Variants in CACNG3 observed in about 807,000 individuals in gnomAD.
The protein encoded by CACNG3 is calcium voltage-gated channel auxiliary subunit gamma 3.
In CACNG3, 3 loss-of-function variants were observed where a neutral mutation model predicts 28.5. The observed-to-expected ratio is 0.11, with a 90% CI of 0.05 to 0.27. The LOEUF is 0.27. Among genes scored for constraint, CACNG3 ranks in the 10% least tolerant of loss-of-function variants. The pLI is 1.00. For synonymous variants in CACNG3, 174 were observed against 162.2 expected, an observed-to-expected ratio of 1.07 and a Z score of -0.55; for missense variants, 236 against 414.4, an observed-to-expected ratio of 0.57 and a Z score of 3.74.
intron 1 of CACNG3, among the ~76,000 whole-genome samples, chr16:24,346,492 C>G (rs924196277): frequency 6.6e-6 from 1 of 152,136 alleles, no homozygotes; most frequent in South Asian, 2.1e-4. Flanking sequence ...GTGAGAGGAT[C>G]ACTTGAGCCC....
chr16:24,353,119 G>A (rs1457241173), intron 2 of CACNG3, among the ~76,000 whole-genome samples: 3 of 152,102 alleles, frequency 2.0e-5, no homozygotes, highest in East Asian at 3.9e-4. Context: ...GAGATTACAG[G>A]TGCCCTCCAC....
intron 3 of CACNG3, among the ~76,000 whole-genome samples, chr16:24,357,535 G>C (rs1329103469): frequency 6.6e-6 from 1 of 152,176 alleles, no homozygotes; most frequent in African/African-American, 2.4e-5. Flanking sequence ...TTCGCCGGCT[G>C]TGAGATGAGA....
rs1225005945 is a variant in CACNG3, at chr16:24,346,765, T to C, written c.243T>C (p.Asp81=). ...TCCGAGGCGTGTGCAAGAAAATCGA[T>C]CACTTCCCTGAAGATGCTGACTACG... ...GAFRGVCKKI[D]HFPEDADYEQ... Residue 81 remains aspartate (D), a synonymous_variant, in exon 2 of 4, where the codon GAT becomes GAC. Coordinates refer to ENST00000005284, the MANE Select transcript of CACNG3 (RefSeq NM_006539.4). The C allele has an allele frequency of 8.7e-6, 14 of 1,613,970 alleles. No homozygotes were observed. The highest frequency in any genetic ancestry group is 2.2e-5 in the East Asian group (1 of 44,874).
intron 1 of CACNG3, among the ~76,000 whole-genome samples, chr16:24,322,530 T>G (rs539587441): frequency 6.6e-6 from 1 of 152,116 alleles, no homozygotes; most frequent in Admixed American, 6.5e-5. Flanking sequence ...CATTTTCTTA[T>G]GCATTAGCTC....
intron 1 of CACNG3, among the ~76,000 whole-genome samples, chr16:24,300,876 C>T (rs916801476): frequency 1.3e-5 from 2 of 151,930 alleles, no homozygotes; most frequent in Non-Finnish European, 2.9e-5. Flanking sequence ...ACATGAAACC[C>T]CATCTCTATG....
At chr16:24,331,232 G>A (rs568282024) in intron 1 of CACNG3, among the ~76,000 whole-genome samples, 1 of 152,194 alleles carries the variant, frequency 6.6e-6, no homozygotes, top group East Asian at 1.9e-4. Flanking sequence ...AATAATGAAG[G>A]ACCAAGGAAA....
intron 1 of CACNG3, among the ~76,000 whole-genome samples, chr16:24,290,051 C>T (rs956620450): frequency 2.0e-5 from 3 of 152,238 alleles, no homozygotes; most frequent in East Asian, 1.9e-4. Flanking sequence ...CAAAGACCAT[C>T]ATAGACAGAG....
At chr16:24,328,070 A>G (rs143414614) in intron 1 of CACNG3, among the ~76,000 whole-genome samples, 1 of 152,322 alleles carries the variant, frequency 6.6e-6, no homozygotes, top group Non-Finnish European at 1.5e-5. Context: ...GGTGAGCAAG[A>G]CAGAGATGCT....
chr16:24,305,006 C>G (rs1899166010), intron 1 of CACNG3, among the ~76,000 whole-genome samples: 1 of 152,152 alleles, frequency 6.6e-6, no homozygotes, highest in African/African-American at 2.4e-5. Flanking sequence ...GGTCTCCACG[C>G]ACATCCTTTG....
chr16:24,334,302 T>C (rs1457045209), intron 1 of CACNG3, among the ~76,000 whole-genome samples: 2 of 152,258 alleles, frequency 1.3e-5, no homozygotes, highest in East Asian at 1.9e-4. Context: ...GGCTACAGAA[T>C]TGGCCCTGTT....
intron 1 of CACNG3, among the ~76,000 whole-genome samples, chr16:24,345,288 G>A (rs984276493): frequency 6.6e-6 from 1 of 152,140 alleles, no homozygotes; most frequent in African/African-American, 2.4e-5. Flanking sequence ...CAGGGAAAGG[G>A]ACAAGAATGC....
rs575026930 is a variant in CACNG3 at position 24,359,536 on chromosome 16, A to C, written c.437-1816A>C. Among the ~76,000 whole-genome samples the C allele has an allele frequency of 2.6e-5, 4 of 152,210 alleles. No individual in the cohort carries two copies. The South Asian group carries it at 8.3e-4, about 32-fold the overall frequency. Reference sequence around the variant, plus strand: ...ATTTTAGCCCTGTACTCTGGAGAAAAATTTGAGATGAAATATAATGAGAAG... The same window carrying C: ...ATTTTAGCCCTGTACTCTGGAGAAACATTTGAGATGAAATATAATGAGAAG... On this transcript the variant is annotated intron_variant, in intron 3 of 3. Coordinates refer to ENST00000005284, the MANE Select transcript of CACNG3 (RefSeq NM_006539.4).
At chr16:24,317,837 G>T (rs894633946) in intron 1 of CACNG3, among the ~76,000 whole-genome samples, 1 of 152,130 alleles carries the variant, frequency 6.6e-6, no homozygotes, top group African/African-American at 2.4e-5. Flanking sequence ...CACTCCTAGG[G>T]ATTCTGCACC....
At chr16:24,342,561 G>A (rs1368574282) in intron 1 of CACNG3, among the ~76,000 whole-genome samples, 2 of 152,144 alleles carry the variant, frequency 1.3e-5, no homozygotes, top group African/African-American at 4.8e-5. Context: ...TAAACAGCCA[G>A]AGAGTAAATA....
intron 1 of CACNG3, among the ~76,000 whole-genome samples, chr16:24,271,342 C>G (rs1157615349): frequency 6.6e-6 from 1 of 152,142 alleles, no homozygotes; most frequent in African/African-American, 2.4e-5. Flanking sequence ...AGTCCGTGGT[C>G]CCTTATTATT....
At chr16:24,327,969 A>G (rs1328700678) in intron 1 of CACNG3, among the ~76,000 whole-genome samples, 1 of 152,160 alleles carries the variant, frequency 6.6e-6, no homozygotes, top group Non-Finnish European at 1.5e-5. Context: ...CAATTCAGAC[A>G]TGAAGGAAAT....
At chr16:24,337,377 G>A (rs1365628279) in intron 1 of CACNG3, among the ~76,000 whole-genome samples, 1 of 152,068 alleles carries the variant, frequency 6.6e-6, no homozygotes, top group Non-Finnish European at 1.5e-5. Flanking sequence ...GTGATTGCTG[G>A]TGACCACTTC....
chr16:24,346,862 G>T, intron 2 of CACNG3, 45 bp downstream of exon 2: 1 of 1,463,418 alleles, frequency 6.8e-7, no homozygotes, highest in Non-Finnish European at 9.6e-7. Context: ...GAAGGGATGG[G>T]CCTCTGCCAT....
intron 1 of CACNG3, among the ~76,000 whole-genome samples, chr16:24,258,375 G>A (rs1267312959): frequency 6.6e-6 from 1 of 152,188 alleles, no homozygotes; most frequent in Non-Finnish European, 1.5e-5. Flanking sequence ...AATGCAGCAA[G>A]GATCATGTGA....
Sources: gnomAD v4.1 joint callset for allele counts (sites outside exome capture counted in the v4.1 genomes callset) on GRCh38, gnomAD v4.1.1 for gene constraint, MANE v1.5 for transcripts, NCBI Gene and HGNC (gene_info 2026-07-23, HGNC 2026-07-21) for gene names.